Variants in FARSB observed in about 807,000 individuals in gnomAD.
FARSB encodes phenylalanyl-tRNA synthetase subunit beta.
Under a neutral mutation model 69.6 loss-of-function variants are expected in FARSB, and 40 were observed. The observed-to-expected ratio is 0.57, with a 90% confidence interval of 0.45 to 0.75. FARSB has a LOEUF of 0.75. Among genes scored for constraint, FARSB ranks in the 30% least tolerant of loss-of-function variants. FARSB has a pLI of 0.00. For synonymous variants in FARSB, 235 were observed against 247.2 expected (o/e 0.95, Z 0.46); for missense variants, 632 against 722.9 (o/e 0.87, Z 1.44).
At position 222,624,326 on chromosome 2, in the gene FARSB, A is replaced by G. The variant is rs1691213345; in HGVS notation, c.1116T>C (p.Tyr372=). ...GAGTCATCTGAATGTTGTTATATCC[A>G]TAAGCAATAGCTGCATCTTCTACAA... ...CDIVEDAAIA[Y]GYNNIQMTLP... The change falls in exon 12 of 17, where the codon TAT becomes TAC. Residue 372 remains tyrosine (Y), a synonymous_variant. Transcript: ENST00000281828. 4 of 1,613,020 alleles carry G rather than the reference A, an allele frequency of 2.5e-6. No homozygotes were observed. The highest frequency in any genetic ancestry group is 3.4e-6 in the Non-Finnish European group (4 of 1,179,402).
At chr2:222,606,220 A>ATACT (rs1205979873) in intron 15 of FARSB, among the ~76,000 whole-genome samples, 1 of 152,086 alleles carries the variant, frequency 6.6e-6, no homozygotes, top group Admixed American at 6.6e-5. Flanking sequence ...TCTTGCTAAG[A>ATACT]TACTCCCTCT....
Position 222,629,818 on chromosome 2 carries a change from G to A in FARSB, c.848+295C>T, listed in dbSNP as rs192971080. 8.9e-3 allele frequency among the ~76,000 whole-genome samples: 1,360 copies of A among 152,200 alleles called. 7 individuals carry two copies. Among genetic ancestry groups the A allele is most frequent in the Non-Finnish European group, 0.014 (948 of 68,018 alleles). ...TGCAGTGGCACAAACATAGCTCACA[G>A]CAGCCTCGACCTCCCAGACTCAAGC... On this transcript the variant is annotated intron_variant, in intron 9 of 16. Coordinates refer to ENST00000281828, the MANE Select transcript of FARSB (RefSeq NM_005687.5).
Position 222,604,930 on chromosome 2 carries a change from A to G in FARSB, c.1463-4847T>C, listed in dbSNP as rs952453776. On this transcript the variant is annotated intron_variant, in intron 15 of 16. Coordinates refer to ENST00000281828, the MANE Select transcript of FARSB (RefSeq NM_005687.5). ...CCTAAAAAGAAGATAAGCACACACA[A>G]ATAGCTATTAAACAGGGCCAGGAGC... Among the ~76,000 whole-genome samples the G allele has an allele frequency of 4.0e-5, 6 of 151,330 alleles. No individual in the cohort carries two copies. The South Asian group carries it at 8.5e-4, about 21-fold the overall frequency.
At chr2:222,583,804 A>G (rs1574912031) in intron 16 of FARSB, among the ~76,000 whole-genome samples, 1 of 152,296 alleles carries the variant, frequency 6.6e-6, no homozygotes, top group East Asian at 1.9e-4. Context: ...GAGTTCTCAC[A>G]AGATCTGATG....
chr2:222,600,111 C>G, intron 15 of FARSB, 28 bp from the exon 16 acceptor site: 9 of 1,582,374 alleles, frequency 5.7e-6, no homozygotes, highest in Non-Finnish European at 7.7e-6. Context: ...CTGGTCACAA[C>G]GCTGTATTAA....
intron 15 of FARSB, 65 bp downstream of exon 15, chr2:222,613,746 A>T: frequency 1.9e-6 from 2 of 1,038,638 alleles, no homozygotes; most frequent in Non-Finnish European, 3.0e-6. Context: ...ATGTATAGTT[A>T]AGGTTTTCAT....
rs563397604 is a variant in FARSB, at chr2:222,624,865, C to T, written c.901-90G>A. The T allele has an allele frequency of 7.7e-5, 56 of 731,048 alleles. No individual in the cohort carries two copies. The African/African-American group carries it at 8.1e-4, about 11-fold the overall frequency. 45.3% of individuals were successfully genotyped at this position (731,048 alleles called of 1,614,324 possible). On this transcript the variant is annotated intron_variant, in intron 10 of 16. Transcript: ENST00000281828. ...ATTAGTCATTATTGCAGTTCTATTA[C>T]GTTCCCAAGAAATTGTCATTAGAGC...
In FARSB at chr2:222,640,908, C is replaced by T. The variant is rs369416922; in HGVS notation, c.293G>A (p.Arg98Gln). 97 of 1,534,460 alleles carry T rather than the reference C, an allele frequency of 6.3e-5. No homozygotes were observed. The highest frequency in any genetic ancestry group is 8.0e-5 in the Non-Finnish European group (89 of 1,118,238). The change falls in exon 4 of 17, where the codon CGG becomes CAG. Residue 98 changes from arginine (R) to glutamine (Q), a missense_variant. Physicochemically the swap from Arg to Gln is conservative, Grantham distance 43. Coordinates refer to ENST00000281828, the MANE Select transcript of FARSB (RefSeq NM_005687.5). ...KERIKAPVYK[R>Q]VMPDGKIQKL... ...CTGGATTTTTCCATCAGGCATTACC[C>T]GTTTATACACTGGAGCCTTTATCCT...
Position 222,642,777 on chromosome 2 carries a change from A to G in FARSB, c.269+74T>C, listed in dbSNP as rs562057601. 1.5e-5 allele frequency: 17 copies of G among 1,157,378 alleles called. No homozygotes were observed. In the African/African-American group the frequency reaches 2.1e-4, roughly 15 times the overall value. 71.7% of individuals were successfully genotyped at this position (1,157,378 alleles called of 1,614,324 possible). ...CAAGCTTTTTCCTAGAAATTTAAAC[A>G]TGGCTGCTGATAATGACAAGGAAAG... On this transcript the variant is annotated intron_variant, in intron 3 of 16. Transcript: ENST00000281828.
intron 15 of FARSB, among the ~76,000 whole-genome samples, chr2:222,603,820 GCT>G (rs1462654716): frequency 6.6e-6 from 1 of 151,112 alleles, no homozygotes; most frequent in Non-Finnish European, 1.5e-5. Flanking sequence ...TAAAACCCAT[GCT>G]CTTTCCACTA....
intron 16 of FARSB, among the ~76,000 whole-genome samples, chr2:222,586,632 C>T (rs1203723956): frequency 1.3e-5 from 2 of 152,054 alleles, no homozygotes; most frequent in African/African-American, 4.8e-5. Flanking sequence ...TGCAGAGATA[C>T]ACACAGGCTC....
At chr2:222,622,443 A>C (rs1691162206) in intron 13 of FARSB, among the ~76,000 whole-genome samples, 1 of 152,224 alleles carries the variant, frequency 6.6e-6, no homozygotes, top group South Asian at 2.1e-4. Context: ...GGGGAAAAGA[A>C]CTGTTATGGT....
chr2:222,591,938 G>C (rs1006261805), intron 16 of FARSB, among the ~76,000 whole-genome samples: 1 of 152,112 alleles, frequency 6.6e-6, no homozygotes, highest in Non-Finnish European at 1.5e-5. Flanking sequence ...GGTTATAGTG[G>C]GGACAGGCAA....
intron 16 of FARSB, among the ~76,000 whole-genome samples, chr2:222,575,865 A>C (rs1689826997): frequency 1.3e-5 from 2 of 152,286 alleles, no homozygotes; most frequent in Admixed American, 6.5e-5. Context: ...CCTGTAATCC[A>C]GCACAGCACC....
At chr2:222,598,191 T>C (rs1690471487) in intron 16 of FARSB, among the ~76,000 whole-genome samples, 1 of 152,226 alleles carries the variant, frequency 6.6e-6, no homozygotes, top group South Asian at 2.1e-4. Flanking sequence ...CATTTTAACA[T>C]CTTGGTTTGA....
intron 5 of FARSB, among the ~76,000 whole-genome samples, chr2:222,636,384 T>TCA (rs1050809879): frequency 3.0e-5 from 2 of 66,448 alleles, no homozygotes; most frequent in Non-Finnish European, 5.6e-5. Flanking sequence ...AGACTCTATC[T>TCA]CAAAAAAAAA....
chr2:222,630,644 C>A (rs1691394837), intron 8 of FARSB, among the ~76,000 whole-genome samples: 1 of 151,868 alleles, frequency 6.6e-6, no homozygotes, highest in African/African-American at 2.4e-5. Context: ...GTAGTAAACA[C>A]CATATAGATT....
chr2:222,581,665 A>G (rs535982920), intron 16 of FARSB, among the ~76,000 whole-genome samples: 37 of 152,368 alleles, frequency 2.4e-4, no homozygotes, highest in African/African-American at 8.9e-4. Context: ...GTCAAAAGAC[A>G]GTTGACAAAC....
rs758850142 is a variant in FARSB at position 222,634,398 on chromosome 2, A to G, written c.599T>C (p.Ile200Thr). The change falls in exon 6 of 17, where the codon ATA (isoleucine) becomes ACA (threonine). Residue 200 changes from isoleucine (I) to threonine (T), a missense_variant. Ile to Thr is a moderately conservative substitution (Grantham distance 89). Coordinates refer to ENST00000281828, the MANE Select transcript of FARSB (RefSeq NM_005687.5). ...ATCAAAAAGAATATTTACCTTGTAT[A>G]TGTTCATCAGTTCACAGGCTGTATA... ...KEYTACELMN[I>T]YKTDNHLKHY... The G allele has an allele frequency of 1.3e-6, 2 of 1,575,658 alleles. No individual in the cohort carries two copies. Among genetic ancestry groups the G allele is most frequent in the Admixed American group, 1.9e-5 (1 of 53,014 alleles).
Sources: gnomAD v4.1 joint callset for allele counts (sites outside exome capture counted in the v4.1 genomes callset) on GRCh38, gnomAD v4.1.1 for gene constraint, MANE v1.5 for transcripts, NCBI Gene and HGNC (gene_info 2026-07-23, HGNC 2026-07-21) for gene names.